PPFIA2: variants seen among roughly 807,000 people sequenced by gnomAD.
The protein encoded by PPFIA2 is PPFI scaffold protein A2, also known as liprin-alpha-2.
PPFIA2 carries 46 observed loss-of-function variants against 175.5 expected under a neutral mutation model. The observed-to-expected ratio is 0.26, with a 90% CI of 0.21 to 0.34. PPFIA2 has a LOEUF of 0.34. Ranked by LOEUF, PPFIA2 falls within the 10% of genes least tolerant of loss-of-function variation. The probability of loss-of-function intolerance (pLI) is 1.00; values close to 1 mark genes in which losing one functional copy is unlikely to be tolerated. For missense variants in PPFIA2, 1,179 were observed against 1,506.1 expected (o/e 0.78, Z 3.60); for synonymous variants, 568 against 511.4 (o/e 1.11, Z -1.49).
chr12:81,596,675 A>T (rs924231217), intron 4 of PPFIA2, among the ~76,000 whole-genome samples: 6 of 152,122 alleles, frequency 3.9e-5, no homozygotes, highest in Non-Finnish European at 7.4e-5. Context: ...AATGCTACCC[A>T]AAGAGCCAGC....
At chr12:81,514,172 C>G (rs2062125969) in intron 4 of PPFIA2, among the ~76,000 whole-genome samples, 2 of 151,774 alleles carry the variant, frequency 1.3e-5, no homozygotes, top group South Asian at 4.1e-4. Flanking sequence ...CAGTCAAGTT[C>G]CCCCCCTGAA....
At position 81,625,146 on chromosome 12, in the gene PPFIA2, T is replaced by C. The variant is rs181942279; in HGVS notation, c.303+51645A>G. On this transcript the variant is annotated intron_variant, in intron 4 of 32. Transcript: ENST00000549396. ...AATTATACATATGTGTGTATACATA[T>C]ATACACACATATATATATCTGTATG... Among the ~76,000 whole-genome samples, 22 of 151,932 alleles carry C rather than the reference T, an allele frequency of 1.4e-4. No homozygotes were observed. The East Asian group carries it at 4.1e-3, about 28-fold the overall frequency.
intron 5 of PPFIA2, among the ~76,000 whole-genome samples, chr12:81,453,737 A>C (rs1448197043): frequency 3.3e-5 from 5 of 152,174 alleles, no homozygotes; most frequent in Non-Finnish European, 7.4e-5. Context: ...AGTTGGATTT[A>C]AGAACAACTG....
chr12:81,277,217 C>G (rs993494539), intron 28 of PPFIA2, 100 bp downstream of exon 28: 7 of 942,064 alleles, frequency 7.4e-6, no homozygotes, highest in Non-Finnish European at 1.0e-5. Flanking sequence ...ACTTATGCTA[C>G]TTACTGACCA....
intron 4 of PPFIA2, among the ~76,000 whole-genome samples, chr12:81,652,660 T>C (rs1338747298): frequency 1.3e-5 from 2 of 152,130 alleles, no homozygotes; most frequent in African/African-American, 4.8e-5. Context: ...TGTCCTTTAC[T>C]GCACATTTTT....
chr12:81,514,110 A>C (rs575579814), intron 4 of PPFIA2, among the ~76,000 whole-genome samples: 1 of 152,036 alleles, frequency 6.6e-6, no homozygotes, highest in Admixed American at 6.6e-5. Context: ...GCCTCACTAG[A>C]ACTTCCAGAA....
intron 4 of PPFIA2, among the ~76,000 whole-genome samples, chr12:81,480,649 C>A (rs1040764342): frequency 6.6e-6 from 1 of 152,088 alleles, no homozygotes. Flanking sequence ...TGTTAGTTTT[C>A]CTTCTAACAG....
At chr12:81,433,957 A>T (rs1006305762) in intron 7 of PPFIA2, among the ~76,000 whole-genome samples, 2 of 152,182 alleles carry the variant, frequency 1.3e-5, no homozygotes, top group African/African-American at 2.4e-5. Context: ...TTCATTAAAG[A>T]GGTGACATCT....
intron 4 of PPFIA2, among the ~76,000 whole-genome samples, chr12:81,580,117 T>C (rs1050341998): frequency 6.6e-6 from 1 of 151,876 alleles, no homozygotes; most frequent in African/African-American, 2.4e-5. Flanking sequence ...AAGTATTTCA[T>C]TTAAATATTT....
intron 4 of PPFIA2, among the ~76,000 whole-genome samples, chr12:81,598,683 G>A (rs536850799): frequency 4.6e-5 from 7 of 150,596 alleles, no homozygotes; most frequent in African/African-American, 1.7e-4. Flanking sequence ...ATAGATCAAA[G>A]TATATTACAG....
chr12:81,365,228 C>A (rs975693734), intron 14 of PPFIA2, among the ~76,000 whole-genome samples: 4 of 151,708 alleles, frequency 2.6e-5, no homozygotes, highest in Non-Finnish European at 2.9e-5. Flanking sequence ...TTTGAGCCTA[C>A]AGAGGGTTTT....
intron 15 of PPFIA2, among the ~76,000 whole-genome samples, chr12:81,359,713 T>G (rs2061350435): frequency 6.6e-6 from 1 of 151,894 alleles, no homozygotes; most frequent in South Asian, 2.1e-4. Context: ...TAATGTCCCT[T>G]TAGGCATCAG....
chr12:81,561,647 G>T (rs1420251767), intron 4 of PPFIA2, among the ~76,000 whole-genome samples: 1 of 152,002 alleles, frequency 6.6e-6, no homozygotes, highest in African/African-American at 2.4e-5. Context: ...TGCTGTCTGG[G>T]GTAATTTTAC....
chr12:81,491,395 A>G (rs2059404618), intron 4 of PPFIA2, among the ~76,000 whole-genome samples: 1 of 151,858 alleles, frequency 6.6e-6, no homozygotes. Context: ...TCACCCCACC[A>G]TTTGATAAAT....
rs2047265702 is a variant in PPFIA2, at chr12:81,299,391, T to C, written c.2643-9A>G. On this transcript the variant is annotated splice_polypyrimidine_tract_variant and intron_variant, in intron 22 of 32. Coordinates refer to ENST00000549396, the MANE Select transcript of PPFIA2 (RefSeq NM_003625.5). ...CTTCAAGAAGTTCATGCCTGAAGTA[T>C]ATAGCAAAGATTATTAGGCAGGTAT... 3 of 1,573,350 alleles carry C rather than the reference T, an allele frequency of 1.9e-6. No homozygotes were observed. The East Asian group carries it at 6.9e-5, about 36-fold the overall frequency.
intron 3 of PPFIA2, among the ~76,000 whole-genome samples, chr12:81,738,511 C>A (rs1228845318): frequency 6.6e-6 from 1 of 151,548 alleles, no homozygotes; most frequent in Non-Finnish European, 1.5e-5. Context: ...TATTTCACAT[C>A]CTACACATGG....
At chr12:81,486,498 C>G in intron 4 of PPFIA2, among the ~76,000 whole-genome samples, 1 of 151,828 alleles carries the variant, frequency 6.6e-6, no homozygotes, top group Admixed American at 6.6e-5. Context: ...TTTTCAGGTA[C>G]AAATTGCCTT....
chr12:81,546,701 A>C (rs1000040525), intron 4 of PPFIA2, among the ~76,000 whole-genome samples: 4 of 151,904 alleles, frequency 2.6e-5, no homozygotes, highest in African/African-American at 9.7e-5. Context: ...AATATGTGCT[A>C]TTTATTATGC....
At chr12:81,500,825 G>A (rs2060520464) in intron 4 of PPFIA2, among the ~76,000 whole-genome samples, 1 of 152,120 alleles carries the variant, frequency 6.6e-6, no homozygotes, top group Non-Finnish European at 1.5e-5. Context: ...AATTTTATCT[G>A]TTAATTTAAC....
Sources: allele counts gnomAD v4.1 joint callset (sites outside exome capture counted in the v4.1 genomes callset), GRCh38; gene constraint gnomAD v4.1.1; transcripts MANE v1.5; gene names NCBI Gene and HGNC (gene_info 2026-07-23, HGNC 2026-07-21).